Variants in MYPN observed in about 807,000 individuals in gnomAD.
MYPN encodes the protein myopalladin.
In MYPN, 63 loss-of-function variants were observed where a neutral mutation model predicts 129.4. That is an observed-to-expected ratio of 0.49 (90% CI 0.40 to 0.60). MYPN has a LOEUF of 0.60. Ranked by LOEUF, MYPN falls within the 20% of genes least tolerant of loss-of-function variation. The probability of loss-of-function intolerance (pLI) is 0.00; values close to 1 mark genes in which losing one functional copy is unlikely to be tolerated. For synonymous variants in MYPN, 629 were observed against 600.9 expected, an observed-to-expected ratio of 1.05 and a Z score of -0.68; for missense variants, 1,596 against 1,635.4, an observed-to-expected ratio of 0.98 and a Z score of 0.42.
At chr10:68,138,259 T>G (rs1341543655) in intron 2 of MYPN, among the ~76,000 whole-genome samples, 1 of 151,804 alleles carries the variant, frequency 6.6e-6, no homozygotes, top group East Asian at 1.9e-4. Context: ...TGCATCACCA[T>G]GCCCACTAAT....
intron 18 of MYPN, among the ~76,000 whole-genome samples, chr10:68,202,428 G>A (rs537193952): frequency 2.0e-4 from 30 of 150,498 alleles, no homozygotes; most frequent in African/African-American, 5.9e-4. Flanking sequence ...GTGAGACTCC[G>A]TCTCAAAAAA....
intron 10 of MYPN, among the ~76,000 whole-genome samples, chr10:68,169,181 T>TAAAAAAAAAAAAAA (rs59317396): frequency 8.8e-5 from 8 of 91,072 alleles, no homozygotes; most frequent in African/African-American, 5.4e-4. Flanking sequence ...CCGTCTCTAC[T>TAAAAAAAAAAAAAA]AAAAAAAAAA....
At chr10:68,175,639 GTAATTCT>G (rs2043217142) in intron 12 of MYPN, among the ~76,000 whole-genome samples, 178 bp downstream of exon 12, 4 of 150,950 alleles carry the variant, frequency 2.6e-5, no homozygotes, top group East Asian at 2.0e-4. Context: ...TCTGCGGTTC[GTAATTCT>G]CCCAGTAGTT....
At chr10:68,152,084 G>A (rs2042780532) in intron 6 of MYPN, among the ~76,000 whole-genome samples, 1 of 152,202 alleles carries the variant, frequency 6.6e-6, no homozygotes, top group African/African-American at 2.4e-5. Context: ...GTCATAGGCA[G>A]ATTCAAATAT....
chr10:68,156,701 A>T (rs2042880796), intron 6 of MYPN, among the ~76,000 whole-genome samples: 1 of 152,246 alleles, frequency 6.6e-6, no homozygotes, highest in South Asian at 2.1e-4. Context: ...CCAAGTACAG[A>T]ATATCATAAG....
rs1045089713 is a variant in MYPN, at chr10:68,199,642, C to T, written c.3493+67C>T. 2.1e-5 allele frequency: 31 copies of T among 1,469,946 alleles called. No individual in the cohort carries two copies. In the East Asian group the frequency reaches 6.6e-4, roughly 31 times the overall value. The allele number at this position is 1,469,946 out of a possible 1,614,324, so 91.1% of individuals were successfully genotyped here. On this transcript the variant is annotated intron_variant, in intron 17 of 19. Transcript: ENST00000358913. ...AAGTCATTACCCAAAGAGGCAGAGCCTCTGCCAGAATTCCTTCATCCTTTG... is the reference window on the plus strand; with the variant it reads ...AAGTCATTACCCAAAGAGGCAGAGCTTCTGCCAGAATTCCTTCATCCTTTG...
At chr10:68,120,361 AATATC>A in intron 1 of MYPN, among the ~76,000 whole-genome samples, 1 of 152,324 alleles carries the variant, frequency 6.6e-6, no homozygotes, top group East Asian at 1.9e-4. Flanking sequence ...TTGAATAGGT[AATATC>A]ATATAATTAA....
intron 12 of MYPN, among the ~76,000 whole-genome samples, chr10:68,175,935 G>C (rs1169074106): frequency 6.6e-6 from 1 of 151,828 alleles, no homozygotes; most frequent in African/African-American, 2.4e-5. Context: ...AGAGACAGGG[G>C]TCTTGCCATG....
intron 2 of MYPN, among the ~76,000 whole-genome samples, chr10:68,129,273 T>C (rs1259723548): frequency 6.6e-6 from 1 of 152,214 alleles, no homozygotes; most frequent in Non-Finnish European, 1.5e-5. Context: ...TCTCTCTATG[T>C]ATGTTTGAAG....
intron 2 of MYPN, among the ~76,000 whole-genome samples, chr10:68,133,021 ATTT>A (rs35346306): frequency 2.6e-5 from 3 of 116,236 alleles, no homozygotes; most frequent in Admixed American, 9.2e-5. Context: ...GTAGACCTCA[ATTT>A]TTTTTTTTTT....
In MYPN at chr10:68,142,985, C is replaced by T. The variant is rs200674758; in HGVS notation, c.948C>T (p.His316=). Residue 316 remains histidine (H), a synonymous_variant, in exon 3 of 20, where the codon CAC becomes CAT. Transcript: ENST00000358913. The stretch of plus-strand genomic sequence containing the variant: ...AGCTTGAAAATTCCCCAGATATTCA[C>T]ATCGTCCAGGCAGGAAATCTGCACT... ...GKELENSPDI[H]IVQAGNLHSL... 79 of 1,614,148 alleles carry T rather than the reference C, an allele frequency of 4.9e-5. No homozygotes were observed. The highest frequency in any genetic ancestry group is 6.2e-5 in the Non-Finnish European group (73 of 1,180,004).
intron 1 of MYPN, among the ~76,000 whole-genome samples, chr10:68,092,090 A>C (rs1281777050): frequency 6.6e-6 from 1 of 152,192 alleles, no homozygotes; most frequent in Non-Finnish European, 1.5e-5. Context: ...TCTAAAAAAA[A>C]GAAAAGAGTA....
intron 8 of MYPN, among the ~76,000 whole-genome samples, chr10:68,163,554 G>A (rs113413719): frequency 0.13 from 19,315 of 151,602 alleles, 1,620 homozygotes; most frequent in Middle Eastern, 0.22. Flanking sequence ...GTGTGAACCC[G>A]GGAGGCAGAG....
rs977765815 is a variant in MYPN at position 68,210,760 on chromosome 10, G to C, written c.*305G>C. ...CTAGCATGCTCCCCTGCTCCCTGTT[G>C]TGTTAGGGATGTTTAGGTCATACTA... On this transcript the variant is annotated 3_prime_UTR_variant, in exon 20 of 20. Transcript: ENST00000358913. 1 of 502,184 alleles carries C rather than the reference G, an allele frequency of 2.0e-6. No individual in the cohort carries two copies. The highest frequency in any genetic ancestry group is 2.3e-5 in the Admixed American group (1 of 43,906). The allele number at this position is 502,184 out of a possible 1,614,324, so 31.1% of individuals were successfully genotyped here. A position where few individuals can be genotyped will look rare whatever the true frequency, so the allele number is the denominator to read the frequency against.
intron 2 of MYPN, among the ~76,000 whole-genome samples, chr10:68,123,410 C>T (rs2042277601): frequency 6.7e-6 from 1 of 149,222 alleles, no homozygotes; most frequent in Non-Finnish European, 1.5e-5. Context: ...GGCGCAGTGG[C>T]TCACGCCTGC....
chr10:68,131,702 C>A (rs2042414213), intron 2 of MYPN, among the ~76,000 whole-genome samples: 1 of 152,088 alleles, frequency 6.6e-6, no homozygotes, highest in Non-Finnish European at 1.5e-5. Flanking sequence ...TCTTTAATTT[C>A]TTTCAAAAAA....
intron 19 of MYPN, among the ~76,000 whole-genome samples, chr10:68,208,128 G>A (rs1374617985): frequency 6.6e-6 from 1 of 152,086 alleles, no homozygotes; most frequent in Non-Finnish European, 1.5e-5. Context: ...TATTTTTAGA[G>A]ACATATTTCT....
intron 4 of MYPN, among the ~76,000 whole-genome samples, chr10:68,147,935 G>C (rs1447560784): frequency 6.6e-6 from 1 of 152,128 alleles, no homozygotes; most frequent in African/African-American, 2.4e-5. Flanking sequence ...ATATATGAGA[G>C]ACCCTGTCTT....
At chr10:68,154,533 A>G (rs1277020407) in intron 6 of MYPN, among the ~76,000 whole-genome samples, 2 of 152,192 alleles carry the variant, frequency 1.3e-5, no homozygotes, top group African/African-American at 4.8e-5. Context: ...TTCTTACTCA[A>G]TGATTGCATG....
Sources: gnomAD v4.1 joint callset for allele counts (sites outside exome capture counted in the v4.1 genomes callset) on GRCh38, gnomAD v4.1.1 for gene constraint, MANE v1.5 for transcripts, NCBI Gene and HGNC (gene_info 2026-07-23, HGNC 2026-07-21) for gene names.